The following GK5 variants were observed in gnomAD, a reference collection of about 807,000 sequenced individuals.
GK5 encodes glycerol kinase 5.
Under a neutral mutation model 77.3 loss-of-function variants are expected in GK5, and 39 were observed. That is an observed-to-expected ratio of 0.50 (90% CI 0.39 to 0.66). The LOEUF is 0.66. Ranked by LOEUF, GK5 falls within the 30% of genes least tolerant of loss-of-function variation. GK5 has a pLI of 0.00. For missense variants in GK5, 487 were observed against 633.8 expected (o/e 0.77, Z 2.49); for synonymous variants, 211 against 208.0 (o/e 1.01, Z -0.13).
At chr3:142,176,955 C>T (rs1033417856) in intron 12 of GK5, among the ~76,000 whole-genome samples, 7 of 152,028 alleles carry the variant, frequency 4.6e-5, no homozygotes, top group African/African-American at 7.2e-5. Context: ...GCCACCGCGC[C>T]CAGCCAAGAT....
chr3:142,181,548 C>G lies in GK5; in HGVS notation c.961G>C (p.Gly321Arg). Residue 321 changes from glycine (G) to arginine (R), a missense_variant, in exon 11 of 16, where the codon GGG becomes CGG. Gly to Arg is a moderately radical substitution (Grantham distance 125). Transcript: ENST00000392993. ...QTTGGFYPLI[G>R]WKIGQEVVCL... ...ACGACTTCTTGCCCAATCTTCCACCCAATTAATGGATAAAAGCCTTGCAAA... is the reference window on the plus strand; with the variant it reads ...ACGACTTCTTGCCCAATCTTCCACCGAATTAATGGATAAAAGCCTTGCAAA... 1.2e-6 allele frequency: 2 copies of G among 1,611,994 alleles called. No individual in the cohort carries two copies. Among genetic ancestry groups the G allele is most frequent in the Non-Finnish European group, 1.7e-6 (2 of 1,178,534 alleles).
chr3:142,166,288 G>A lies in GK5; in HGVS notation c.1442-518C>T, dbSNP rs141531655. Reference sequence around the variant, plus strand: ...GAAGAAAAAAAAAGAGAAAGAAATAGGATATTTTCTTTTTTATGCAATTAC... The same window carrying A: ...GAAGAAAAAAAAAGAGAAAGAAATAAGATATTTTCTTTTTTATGCAATTAC... On this transcript the variant is annotated intron_variant, in intron 15 of 15. Coordinates refer to ENST00000392993, the MANE Select transcript of GK5 (RefSeq NM_001039547.3). Among the ~76,000 whole-genome samples, 244 of 151,996 alleles carry A rather than the reference G, an allele frequency of 1.6e-3. 2 individuals are homozygous for A. Among genetic ancestry groups the A allele is most frequent in the Admixed American group, 0.012 (179 of 15,242 alleles).
At chr3:142,173,576 C>T (rs528387246) in intron 12 of GK5, among the ~76,000 whole-genome samples, 4 of 151,980 alleles carry the variant, frequency 2.6e-5, no homozygotes, top group East Asian at 1.9e-4. Context: ...CCCAGCTGCT[C>T]GGGAGGCTGA....
intron 14 of GK5, 55 bp downstream of exon 14, chr3:142,171,364 G>A (rs1208919642): frequency 1.4e-6 from 2 of 1,395,080 alleles, no homozygotes; most frequent in Non-Finnish European, 1.9e-6. Flanking sequence ...GCTCATAGCA[G>A]CTACCACTTA....
At chr3:142,187,632 CT>C (rs1348679357) in intron 6 of GK5, 71 bp downstream of exon 6, 10 of 974,772 alleles carry the variant, frequency 1.0e-5, no homozygotes, top group African/African-American at 1.0e-4. Context: ...GTAACTTCTA[CT>C]TTTTTTAGGC....
rs1478607141 is a variant in GK5, at chr3:142,163,127, AT to A, written c.*2494del. 3 of 152,152 alleles carry A rather than the reference AT, an allele frequency of 2.0e-5. No homozygotes were observed. Among genetic ancestry groups the A allele is most frequent in the Admixed American group, 2.0e-4 (3 of 15,266 alleles). 9.4% of individuals were successfully genotyped at this position (152,152 alleles called of 1,614,324 possible). A position where few individuals can be genotyped will look rare whatever the true frequency, so the allele number is the denominator to read the frequency against. On this transcript the variant is annotated 3_prime_UTR_variant, in exon 16 of 16. Coordinates refer to ENST00000392993, the MANE Select transcript of GK5 (RefSeq NM_001039547.3). ...GTCCAAAAATATTTATTAAAGTCTT[AT>A]CACTAAAAATGGCCACAAATATTAA...
At chr3:142,186,623 G>GTTT in intron 6 of GK5, 110 bp from the exon 7 acceptor site, 1 of 358,460 alleles carries the variant, frequency 2.8e-6, no homozygotes, top group Non-Finnish European at 5.0e-6. Flanking sequence ...TCCAAAATGT[G>GTTT]TATTTTCTTT....
rs997445008 is a variant in GK5 at position 142,161,606 on chromosome 3, A to G, written c.*4016T>C. 3.3e-5 allele frequency: 5 copies of G among 152,240 alleles called. No individual in the cohort carries two copies. The highest frequency in any genetic ancestry group is 1.2e-4 in the African/African-American group (5 of 41,462). 9.4% of individuals were successfully genotyped at this position (152,240 alleles called of 1,614,324 possible). On this transcript the variant is annotated 3_prime_UTR_variant, in exon 16 of 16. Transcript: ENST00000392993. ...TGGTAGAGATTTACACAGAAGGCAG[A>G]TTAAAGAGAATGATGATCTCCTTTG...
chr3:142,188,271 C>A (rs986202211), intron 5 of GK5, among the ~76,000 whole-genome samples: 1 of 152,088 alleles, frequency 6.6e-6, no homozygotes, highest in Non-Finnish European at 1.5e-5. Context: ...GTGGCTCACA[C>A]CTGTAATCCC....
At chr3:142,198,767 C>T in intron 5 of GK5, 35 bp downstream of exon 5, 1 of 1,565,016 alleles carries the variant, frequency 6.4e-7, no homozygotes, top group Non-Finnish European at 8.7e-7. Flanking sequence ...TCCACATACA[C>T]ACATATTTTC....
chr3:142,169,756 T>C (rs56049722), intron 15 of GK5, among the ~76,000 whole-genome samples: 31,129 of 150,522 alleles, frequency 0.21, 3,325 homozygotes, highest in Middle Eastern at 0.29. Context: ...ACTGCAACCT[T>C]CGCCTTCCCA....
At chr3:142,196,263 C>T (rs375658385) in intron 5 of GK5, among the ~76,000 whole-genome samples, 15 of 152,060 alleles carry the variant, frequency 9.9e-5, no homozygotes, top group East Asian at 3.9e-4. Context: ...AAGCAACTTT[C>T]GGTTTTATTG....
At position 142,159,853 on chromosome 3, in the gene GK5, C is replaced by CCCTCTTTTTTTTTT. The variant is rs2063412281; in HGVS notation, c.*5768_*5769insAAAAAAAAAAGAGG. 1 of 106,124 alleles carries CCCTCTTTTTTTTTT rather than the reference C, an allele frequency of 9.4e-6. No homozygotes were observed. The highest frequency in any genetic ancestry group is 1.9e-5 in the Non-Finnish European group (1 of 53,072). 6.6% of individuals were successfully genotyped at this position (106,124 alleles called of 1,614,324 possible). On this transcript the variant is annotated 3_prime_UTR_variant, in exon 16 of 16. Transcript: ENST00000392993. ...TTTCTCTCTCTCTCTCTCTCTCTCT[C>CCCTCTTTTTTTTTT]TTTTTTTTTTTTGAGACAGAGTCTC...
intron 1 of GK5, among the ~76,000 whole-genome samples, chr3:142,219,038 A>T (rs577190935): frequency 6.6e-6 from 1 of 152,342 alleles, no homozygotes; most frequent in East Asian, 1.9e-4. Context: ...GTCAAATCAA[A>T]TAAGTTTTAA....
At chr3:142,210,171 G>C (rs2064172286) in intron 3 of GK5, among the ~76,000 whole-genome samples, 1 of 152,084 alleles carries the variant, frequency 6.6e-6, no homozygotes, top group African/African-American at 2.4e-5. Context: ...AAAACAAAAA[G>C]AAAGTTCAAA....
At position 142,189,880 on chromosome 3, in the gene GK5, G is replaced by C. The variant is rs1342567691; in HGVS notation, c.544-2101C>G. Among the ~76,000 whole-genome samples the C allele has an allele frequency of 3.3e-5, 5 of 152,260 alleles. No homozygotes were observed. In the East Asian group the frequency reaches 5.8e-4, roughly 18 times the overall value. Reference sequence around the variant, plus strand: ...CTAGAGCAAGACAGCATTATGTTAAGGCTCTCAAATTCTACACAGAATTTT... The same window carrying C: ...CTAGAGCAAGACAGCATTATGTTAACGCTCTCAAATTCTACACAGAATTTT... On this transcript the variant is annotated intron_variant, in intron 5 of 15. Coordinates refer to ENST00000392993, the MANE Select transcript of GK5 (RefSeq NM_001039547.3).
intron 9 of GK5, chr3:142,185,584 GC>G (rs2063757998): frequency 9.2e-7 from 1 of 1,085,170 alleles, no homozygotes; most frequent in African/African-American, 1.7e-5. Flanking sequence ...ATAAATATTC[GC>G]CCCATCACTG....
chr3:142,184,374 A>T (rs1395708375), intron 9 of GK5, among the ~76,000 whole-genome samples: 1 of 151,892 alleles, frequency 6.6e-6, no homozygotes, highest in African/African-American at 2.4e-5. Context: ...AGTCAAAATA[A>T]CCAACCCTCA....
rs2063430782 is a variant in GK5, at chr3:142,162,193, A to C, written c.*3429T>G. The C allele has an allele frequency of 6.6e-6, 1 of 152,192 alleles. No individual in the cohort carries two copies. The highest frequency in any genetic ancestry group is 2.1e-4 in the South Asian group (1 of 4,828). The allele number at this position is 152,192 out of a possible 1,614,324, so 9.4% of individuals were successfully genotyped here. On this transcript the variant is annotated 3_prime_UTR_variant, in exon 16 of 16. Transcript: ENST00000392993. ...TTTTTTTGCTAACAACCATTTCCTA[A>C]GGTAAAATGAGGCAGAAAGAAAAGG...
Sources: gnomAD v4.1 joint callset for allele counts (sites outside exome capture counted in the v4.1 genomes callset) on GRCh38, gnomAD v4.1.1 for gene constraint, MANE v1.5 for transcripts, NCBI Gene and HGNC (gene_info 2026-07-23, HGNC 2026-07-21) for gene names.